The following OR9Q1 variants were observed in gnomAD, a reference collection of about 807,000 sequenced individuals.
OR9Q1 encodes olfactory receptor family 9 subfamily Q member 1, also known as olfactory receptor 9Q1.
For missense variants in OR9Q1, 374 were observed against 378.8 expected, an observed-to-expected ratio of 0.99 and a Z score of 0.11; for synonymous variants, 153 against 148.6, an observed-to-expected ratio of 1.03 and a Z score of -0.22.
At position 58,180,161 on chromosome 11, in the gene OR9Q1, C is replaced by G. The variant is rs200013932; in HGVS notation, c.717C>G (p.Thr239=). The G allele has an allele frequency of 6.2e-7, 1 of 1,614,058 alleles. No individual in the cohort carries two copies. The part of the protein sequence containing the change: ...PAGSQAKTFS[T]CTSHLTAVSL... Reference sequence around the variant, plus strand: ...GAAGCCAGGCCAAGACCTTCTCCACCTGCACCTCCCACCTCACTGCTGTGT... The same window carrying G: ...GAAGCCAGGCCAAGACCTTCTCCACGTGCACCTCCCACCTCACTGCTGTGT... The change falls in exon 3 of 3, where the codon ACC becomes ACG. Residue 239 remains threonine, a synonymous_variant. Coordinates refer to ENST00000335397, the MANE Select transcript of OR9Q1 (RefSeq NM_001005212.4).
At chr11:58,099,332 CATAAT>C (rs1164804660) in intron 2 of OR9Q1, among the ~76,000 whole-genome samples, 2 of 147,626 alleles carry the variant, frequency 1.4e-5, no homozygotes, top group Non-Finnish European at 3.0e-5. Flanking sequence ...AAACATATAA[CATAAT>C]ATATATAACA....
rs190416641 is a variant in OR9Q1, at chr11:58,070,428, C to T, written c.-15+14481C>T. Among the ~76,000 whole-genome samples the T allele has an allele frequency of 2.6e-5, 4 of 152,204 alleles. No individual in the cohort carries two copies. The East Asian group carries it at 5.8e-4, about 22-fold the overall frequency. Reference sequence around the variant, plus strand: ...CTGGCGTGTACACCGTGTCACCCACCACCCCACACACTCCTAGGTGTCTGA... The same window carrying T: ...CTGGCGTGTACACCGTGTCACCCACTACCCCACACACTCCTAGGTGTCTGA... On this transcript the variant is annotated intron_variant, in intron 2 of 2. Coordinates refer to ENST00000335397, the MANE Select transcript of OR9Q1 (RefSeq NM_001005212.4).
chr11:58,144,503 G>A (rs1854281450), intron 2 of OR9Q1: 1 of 152,056 alleles, frequency 6.6e-6, no homozygotes, highest in Non-Finnish European at 1.5e-5. Flanking sequence ...GCACCACGGT[G>A]ACAGAATTTT....
chr11:58,025,120 G>A (rs545289896), intron 1 of OR9Q1, among the ~76,000 whole-genome samples: 19 of 152,312 alleles, frequency 1.2e-4, no homozygotes, highest in African/African-American at 4.3e-4. Flanking sequence ...ATATTGTGGG[G>A]ATTAAGCCAG....
At chr11:58,054,256 G>T (rs1290265158) in intron 1 of OR9Q1, among the ~76,000 whole-genome samples, 1 of 152,152 alleles carries the variant, frequency 6.6e-6, no homozygotes, top group Non-Finnish European at 1.5e-5. Context: ...AGGTGGGATT[G>T]GCTTTGATTT....
chr11:58,088,419 C>G (rs1227766369), intron 2 of OR9Q1, among the ~76,000 whole-genome samples: 1 of 151,932 alleles, frequency 6.6e-6, no homozygotes, highest in Non-Finnish European at 1.5e-5. Context: ...AATAGGTGAA[C>G]TAATTTACAG....
In OR9Q1 at chr11:58,087,728, C is replaced by G. The variant is rs529656305; in HGVS notation, c.-15+31781C>G. Among the ~76,000 whole-genome samples the G allele has an allele frequency of 3.0e-4, 45 of 151,766 alleles. No individual in the cohort carries two copies. The South Asian group carries it at 9.1e-3, about 31-fold the overall frequency. On this transcript the variant is annotated intron_variant, in intron 2 of 2. Coordinates refer to ENST00000335397, the MANE Select transcript of OR9Q1 (RefSeq NM_001005212.4). Reference sequence around the variant, plus strand: ...TCTCCCTCCCCTTGCCCCCCACCCCCTGACAGGCCCCGGTGTGTGAGGTTC... The same window carrying G: ...TCTCCCTCCCCTTGCCCCCCACCCCGTGACAGGCCCCGGTGTGTGAGGTTC...
intron 2 of OR9Q1, chr11:58,118,987 A>G (rs747608260): frequency 6.2e-7 from 1 of 1,613,836 alleles, no homozygotes; most frequent in Non-Finnish European, 8.5e-7. Flanking sequence ...GGCTCCTGAC[A>G]CCCCACAGAC....
chr11:58,048,840 A>G (rs1424341101), intron 1 of OR9Q1, among the ~76,000 whole-genome samples: 1 of 104,512 alleles, frequency 9.6e-6, no homozygotes, highest in African/African-American at 3.6e-5. Context: ...AAACTAGAAA[A>G]TCTAGAAGAA....
chr11:58,172,566 A>G (rs995338352), intron 2 of OR9Q1, among the ~76,000 whole-genome samples: 2 of 152,196 alleles, frequency 1.3e-5, no homozygotes, highest in Non-Finnish European at 2.9e-5. Context: ...GGAAGTCAAA[A>G]TACCAAGAGA....
At chr11:58,160,899 A>T (rs1424777452) in intron 2 of OR9Q1, among the ~76,000 whole-genome samples, 1 of 152,226 alleles carries the variant, frequency 6.6e-6, no homozygotes, top group African/African-American at 2.4e-5. Context: ...AGTAGACCGA[A>T]CAAGAGATTT....
intron 2 of OR9Q1, among the ~76,000 whole-genome samples, chr11:58,114,238 C>A (rs1853929689): frequency 6.6e-6 from 1 of 152,142 alleles, no homozygotes; most frequent in Non-Finnish European, 1.5e-5. Context: ...CAATTAAGAC[C>A]ATCTTGTTTC....
Position 58,180,491 on chromosome 11 carries a change from T to C in OR9Q1, c.*114T>C, listed in dbSNP as rs1289581485. On this transcript the variant is annotated 3_prime_UTR_variant, in exon 3 of 3. Coordinates refer to ENST00000335397, the MANE Select transcript of OR9Q1 (RefSeq NM_001005212.4). ...TAAATGAATATATTATGGTACTAGG[T>C]ATAAAAAAGAACCAGAACTTTTAGC... 4 of 595,654 alleles carry C rather than the reference T, an allele frequency of 6.7e-6. No individual in the cohort carries two copies. The highest frequency in any genetic ancestry group is 5.6e-5 in the African/African-American group (3 of 53,726). 36.9% of individuals were successfully genotyped at this position (595,654 alleles called of 1,614,324 possible).
At chr11:58,059,138 C>CT (rs1194629349) in intron 2 of OR9Q1, among the ~76,000 whole-genome samples, 2 of 152,116 alleles carry the variant, frequency 1.3e-5, no homozygotes, top group Non-Finnish European at 2.9e-5. Flanking sequence ...TGGGCTCAGG[C>CT]CTAAGAAACC....
intron 2 of OR9Q1, among the ~76,000 whole-genome samples, chr11:58,134,136 T>C (rs939831094): frequency 1.3e-5 from 2 of 152,230 alleles, no homozygotes; most frequent in African/African-American, 4.8e-5. Flanking sequence ...GGAGGCCTGA[T>C]GTCCATGCTC....
At chr11:58,114,062 G>A (rs1478095381) in intron 2 of OR9Q1, among the ~76,000 whole-genome samples, 1 of 152,020 alleles carries the variant, frequency 6.6e-6, no homozygotes, top group Non-Finnish European at 1.5e-5. Flanking sequence ...TCTTCTTCTG[G>A]CCAATTTTAT....
chr11:58,096,844 C>T (rs752483846), intron 2 of OR9Q1, among the ~76,000 whole-genome samples: 4 of 152,044 alleles, frequency 2.6e-5, no homozygotes, highest in Non-Finnish European at 5.9e-5. Context: ...GATGAGATTC[C>T]AGTTGCCCAT....
chr11:58,037,290 A>G (rs1269075908), intron 1 of OR9Q1, among the ~76,000 whole-genome samples: 2 of 152,200 alleles, frequency 1.3e-5, no homozygotes, highest in East Asian at 1.9e-4. Context: ...AGACTACACT[A>G]TAGTGTAAAC....
At position 58,159,450 on chromosome 11, in the gene OR9Q1, A is replaced by C. The variant is rs116408732; in HGVS notation, c.-14-19981A>C. ...CTAGCATCAGCTTACAGAATTACAG[A>C]AGTTAAAAAAAAAAACAGTCATTAG... On this transcript the variant is annotated intron_variant, in intron 2 of 2. Transcript: ENST00000335397. 7.7e-3 allele frequency among the ~76,000 whole-genome samples: 1,069 copies of C among 139,534 alleles called. 10 individuals are homozygous for C. The highest frequency in any genetic ancestry group is 0.019 in the African/African-American group (775 of 40,564). The allele number at this position is 139,534 out of a possible 152,430, so 91.5% of individuals were successfully genotyped here.
Sources: gnomAD v4.1 joint callset for allele counts (sites outside exome capture counted in the v4.1 genomes callset) on GRCh38, gnomAD v4.1.1 for gene constraint, MANE v1.5 for transcripts, NCBI Gene and HGNC (gene_info 2026-07-23, HGNC 2026-07-21) for gene names.